The following SPATA7 variants were observed in gnomAD, a reference collection of about 807,000 sequenced individuals.
SPATA7 encodes spermatogenesis associated 7, also known as spermatogenesis-associated protein 7.
In SPATA7, 43 loss-of-function variants were observed where a neutral mutation model predicts 51.8. That is an observed-to-expected ratio of 0.83 (90% CI 0.65 to 1.07). SPATA7 has a LOEUF of 1.07. Ranked by LOEUF, SPATA7 falls within the 50% of genes least tolerant of loss-of-function variation. SPATA7 has a pLI of 0.00. For synonymous variants in SPATA7, 230 were observed against 252.8 expected, an observed-to-expected ratio of 0.91 and a Z score of 0.86; for missense variants, 683 against 701.3, an observed-to-expected ratio of 0.97 and a Z score of 0.30.
chr14:88,385,708 G>T lies in SPATA7; in HGVS notation c.-111G>T, dbSNP rs886050871. ...TGGCAACGGTTTCCCTGCTGCTGCA[G>T]CCCCCGTCGGCTCCTCTTTTCCAGT... On this transcript the variant is annotated 5_prime_UTR_variant, in exon 1 of 12. Transcript: ENST00000393545. 5.7e-6 allele frequency: 6 copies of T among 1,056,072 alleles called. No homozygotes were observed. The highest frequency in any genetic ancestry group is 2.5e-4 in the Middle Eastern group (1 of 3,990). The allele number at this position is 1,056,072 out of a possible 1,614,324, so 65.4% of individuals were successfully genotyped here.
chr14:88,418,325 C>A (rs563362988), intron 5 of SPATA7, among the ~76,000 whole-genome samples: 7 of 151,190 alleles, frequency 4.6e-5, no homozygotes, highest in Admixed American at 2.0e-4. Context: ...TTTATTAATT[C>A]TCTGCCTTAC....
At chr14:88,386,104 C>T in intron 1 of SPATA7, 4 of 1,271,196 alleles carry the variant, frequency 3.1e-6, no homozygotes. Context: ...GGTCGTGCAG[C>T]CTTTAAAACC....
intron 2 of SPATA7, among the ~76,000 whole-genome samples, 171 bp from the exon 3 acceptor site, chr14:88,393,222 C>T (rs1052303240): frequency 1.3e-5 from 2 of 152,114 alleles, no homozygotes; most frequent in African/African-American, 4.8e-5. Flanking sequence ...GTCAATAGCT[C>T]ATTGGCATTA....
downstream of SPATA7, among the ~76,000 whole-genome samples, chr14:88,441,565 G>C (rs1283614990): frequency 6.6e-6 from 1 of 152,040 alleles, no homozygotes; most frequent in Non-Finnish European, 1.5e-5. Context: ...GTGGTATCGC[G>C]TTGTGGTTTT....
At chr14:88,429,937 T>C (rs906317598) in intron 8 of SPATA7, among the ~76,000 whole-genome samples, 25 of 141,310 alleles carry the variant, frequency 1.8e-4, no homozygotes, top group African/African-American at 5.6e-4. Context: ...AGACAGTCTC[T>C]CTCTGTTGTC....
rs1336505648 is a variant in SPATA7 at position 88,427,706 on chromosome 14, A to G, written c.912+10A>G. ...AATGAACATAAAGCAGGTAATAAGT[A>G]TGAAATCTTTTGGTATTGCTACATT... On this transcript the variant is annotated intron_variant, in intron 7 of 11. Coordinates refer to ENST00000393545, the MANE Select transcript of SPATA7 (RefSeq NM_018418.5). 3 of 1,594,060 alleles carry G rather than the reference A, an allele frequency of 1.9e-6. No homozygotes were observed. The highest frequency in any genetic ancestry group is 2.6e-6 in the Non-Finnish European group (3 of 1,162,520).
chr14:88,418,172 G>A (rs866716903), intron 5 of SPATA7, among the ~76,000 whole-genome samples: 19 of 152,078 alleles, frequency 1.2e-4, no homozygotes, highest in Admixed American at 9.2e-4. Context: ...ATCAGAGATT[G>A]AGTCAGTTTT....
chr14:88,418,662 TC>T (rs2076551739), intron 5 of SPATA7, among the ~76,000 whole-genome samples: 1 of 151,930 alleles, frequency 6.6e-6, no homozygotes, highest in East Asian at 1.9e-4. Context: ...TTTAGTAGAG[TC>T]TAGTTTCACC....
chr14:88,451,002 TTTC>T (rs1382733793), intron 3 of SPATA7, among the ~76,000 whole-genome samples: 3 of 152,216 alleles, frequency 2.0e-5, no homozygotes, highest in Non-Finnish European at 2.9e-5. Context: ...TAAAAAATTC[TTTC>T]TTCTTTGTCT....
chr14:88,468,079 CTTTT>C (rs748590887), intron 4 of SPATA7: 19 of 1,564,880 alleles, frequency 1.2e-5, no homozygotes, highest in African/African-American at 8.2e-5. Context: ...TAGGCAAGCG[CTTTT>C]TTTTTAAGCT....
At chr14:88,398,014 G>A (rs2075939788) in intron 4 of SPATA7, among the ~76,000 whole-genome samples, 1 of 151,874 alleles carries the variant, frequency 6.6e-6, no homozygotes, top group African/African-American at 2.4e-5. Context: ...CCCGGGAGGT[G>A]GAGCTTGCAG....
intron 4 of SPATA7, among the ~76,000 whole-genome samples, chr14:88,404,533 A>G (rs1396862093): frequency 6.6e-6 from 1 of 152,148 alleles, no homozygotes; most frequent in African/African-American, 2.4e-5. Context: ...CCTGGCCAAC[A>G]TAATGAAACC....
At chr14:88,468,252 G>A (rs757633402) in intron 4 of SPATA7, 22 of 1,604,916 alleles carry the variant, frequency 1.4e-5, no homozygotes, top group South Asian at 5.6e-5. Flanking sequence ...CAGCACTCTC[G>A]GGATGTCCAG....
In SPATA7 at chr14:88,467,968, T is replaced by C. The variant is rs139827487; in HGVS notation, c.255-1879T>C. On this transcript the variant is annotated intron_variant, in intron 4 of 4. Transcript: ENST00000556406. ...CCAGGTTAGAAACCCCTCTTCAGCC[T>C]GTGCTTCGCACGTTTCCTTCAGCGT... 7.2e-4 allele frequency: 641 copies of C among 889,868 alleles called. 4 individuals are homozygous for C. The African/African-American group carries it at 9.9e-3, about 14-fold the overall frequency. The allele number at this position is 889,868 out of a possible 1,614,324, so 55.1% of individuals were successfully genotyped here. A position where few individuals can be genotyped will look rare whatever the true frequency, so the allele number is the denominator to read the frequency against.
intron 5 of SPATA7, among the ~76,000 whole-genome samples, chr14:88,425,333 T>C (rs1021888247): frequency 1.3e-5 from 2 of 152,164 alleles, no homozygotes; most frequent in Non-Finnish European, 2.9e-5. Flanking sequence ...CTTGTCCATC[T>C]TCCCCTTGTT....
intron 4 of SPATA7, among the ~76,000 whole-genome samples, chr14:88,468,486 C>G (rs924469814): frequency 6.6e-6 from 1 of 152,156 alleles, no homozygotes; most frequent in East Asian, 1.9e-4. Flanking sequence ...CAACATTCCC[C>G]AGGTGTAGCT....
downstream of SPATA7, among the ~76,000 whole-genome samples, chr14:88,459,567 G>T (rs564162599): frequency 6.6e-6 from 1 of 152,066 alleles, no homozygotes; most frequent in Non-Finnish European, 1.5e-5. Context: ...CATTTGCTTG[G>T]TAGATCTTCC....
chr14:88,458,215 T>C (rs2077296945), downstream of SPATA7, among the ~76,000 whole-genome samples: 1 of 152,224 alleles, frequency 6.6e-6, no homozygotes, highest in Admixed American at 6.5e-5. Context: ...TTGTCAGGCT[T>C]TGGTATCAGG....
intron 6 of SPATA7, among the ~76,000 whole-genome samples, 190 bp from the exon 7 acceptor site, chr14:88,427,440 A>G (rs189892928): frequency 0.016 from 2,484 of 151,466 alleles, 74 homozygotes; most frequent in African/African-American, 0.058. Context: ...TTGAATATAG[A>G]TAAGTACAGT....
Sources: gnomAD v4.1 joint callset for allele counts (sites outside exome capture counted in the v4.1 genomes callset) on GRCh38, gnomAD v4.1.1 for gene constraint, MANE v1.5 for transcripts, NCBI Gene and HGNC (gene_info 2026-07-23, HGNC 2026-07-21) for gene names.